Variants in AHI1 observed in about 807,000 individuals in gnomAD.
AHI1 encodes jouberin.
In AHI1, 123 loss-of-function variants were observed where a neutral mutation model predicts 149.3. The ratio of observed to expected loss-of-function variants is 0.82; its 90% confidence interval spans 0.71 to 0.96. The LOEUF is 0.96. AHI1 is among the 40% of genes least tolerant of loss of function. The pLI, the probability that AHI1 is intolerant of heterozygous loss-of-function variation, is 0.00. For missense variants in AHI1, 1,439 were observed against 1,422.7 expected (o/e 1.01, Z -0.18); for synonymous variants, 475 against 459.8 (o/e 1.03, Z -0.42).
At chr6:135,493,644 G>A (rs956680339) in intron 3 of AHI1, among the ~76,000 whole-genome samples, 3 of 152,064 alleles carry the variant, frequency 2.0e-5, no homozygotes, top group Admixed American at 6.6e-5. Flanking sequence ...CTGAGAGCAC[G>A]GAAGTAGAAA....
chr6:135,456,090 A>G (rs1386670033), intron 9 of AHI1, among the ~76,000 whole-genome samples, 164 bp from the exon 10 acceptor site: 1 of 152,242 alleles, frequency 6.6e-6, no homozygotes, highest in Non-Finnish European at 1.5e-5. Flanking sequence ...AAATTTTATA[A>G]GACTTAAAAG....
chr6:135,366,233 T>C (rs753383843), intron 23 of AHI1, among the ~76,000 whole-genome samples: 3 of 151,164 alleles, frequency 2.0e-5, no homozygotes, highest in Non-Finnish European at 4.4e-5. Flanking sequence ...GGGATATTGG[T>C]CTGCAGTTTT....
At chr6:135,487,607 A>G (rs1053637986) in intron 5 of AHI1, among the ~76,000 whole-genome samples, 1 of 152,192 alleles carries the variant, frequency 6.6e-6, no homozygotes. Context: ...CACCATATAC[A>G]GTGTATAATA....
chr6:135,357,053 C>A (rs1287381466), intron 24 of AHI1, among the ~76,000 whole-genome samples: 5 of 152,200 alleles, frequency 3.3e-5, no homozygotes, highest in Non-Finnish European at 5.9e-5. Flanking sequence ...ATTCCCCTGC[C>A]TCAGCCTCCC....
chr6:135,287,736 G>A (rs1312210286), intron 28 of AHI1, among the ~76,000 whole-genome samples: 2 of 152,212 alleles, frequency 1.3e-5, no homozygotes, highest in African/African-American at 2.4e-5. Flanking sequence ...GCAAGCTTAT[G>A]AAAACAAGTA....
chr6:135,416,350 A>G (rs1275350901), intron 20 of AHI1, among the ~76,000 whole-genome samples: 1 of 151,628 alleles, frequency 6.6e-6, no homozygotes, highest in Non-Finnish European at 1.5e-5. Flanking sequence ...AGTAATAAAA[A>G]TGCAAATTAG....
At chr6:135,396,881 C>T (rs547242641) in intron 22 of AHI1, among the ~76,000 whole-genome samples, 20 of 151,532 alleles carry the variant, frequency 1.3e-4, no homozygotes, top group African/African-American at 4.8e-4. Flanking sequence ...ACACAATAGC[C>T]ATTTATAGTC....
chr6:135,408,495 A>G (rs1211493391), intron 21 of AHI1, among the ~76,000 whole-genome samples: 1 of 152,052 alleles, frequency 6.6e-6, no homozygotes. Flanking sequence ...TAACTAAGAA[A>G]TATATATACT....
chr6:135,324,089 G>A (rs908102521), intron 24 of AHI1, among the ~76,000 whole-genome samples: 1 of 152,172 alleles, frequency 6.6e-6, no homozygotes, highest in Non-Finnish European at 1.5e-5. Context: ...GGAGGCCGAG[G>A]CAGGAGGACT....
chr6:135,472,155 C>T (rs1464279240), intron 5 of AHI1, among the ~76,000 whole-genome samples: 2 of 146,220 alleles, frequency 1.4e-5, no homozygotes, highest in African/African-American at 2.5e-5. Context: ...TGACATTGAA[C>T]ATTTCCATCA....
intron 15 of AHI1, among the ~76,000 whole-genome samples, chr6:135,436,398 T>C (rs149741014): frequency 1.3e-5 from 2 of 152,186 alleles, no homozygotes; most frequent in East Asian, 3.9e-4. Flanking sequence ...ACTGTCCAAA[T>C]GGATTTAAAA....
At chr6:135,384,938 A>T (rs1777359680) in intron 23 of AHI1, among the ~76,000 whole-genome samples, 1 of 152,042 alleles carries the variant, frequency 6.6e-6, no homozygotes. Flanking sequence ...AAAATAAGAA[A>T]ATTAGCTGGG....
chr6:135,294,471 T>C (rs1782801464), intron 27 of AHI1, among the ~76,000 whole-genome samples: 1 of 151,962 alleles, frequency 6.6e-6, no homozygotes, highest in African/African-American at 2.4e-5. Context: ...ATCACGCCAT[T>C]GCACTCCAGC....
intron 21 of AHI1, among the ~76,000 whole-genome samples, chr6:135,408,241 T>C (rs1038374508): frequency 3.3e-5 from 5 of 152,076 alleles, no homozygotes; most frequent in Non-Finnish European, 7.4e-5. Flanking sequence ...TGTTGGTGAG[T>C]TGTTTTTATG....
intron 11 of AHI1, among the ~76,000 whole-genome samples, chr6:135,450,105 A>T (rs1787870748): frequency 6.6e-6 from 1 of 152,182 alleles, no homozygotes; most frequent in African/African-American, 2.4e-5. Context: ...AAAGTGGGTT[A>T]AAGATGAAAC....
intron 4 of AHI1, among the ~76,000 whole-genome samples, chr6:135,491,476 C>A (rs778132905): frequency 6.6e-6 from 1 of 152,162 alleles, no homozygotes; most frequent in Non-Finnish European, 1.5e-5. Flanking sequence ...TTAAATGCTG[C>A]CTGTAAATAA....
rs1294576615 is a variant in AHI1 at position 135,490,679 on chromosome 6, T to C, written c.79A>G (p.Met27Val). Residue 27 changes from methionine (M) to valine (V), a missense_variant, in exon 5 of 29, where the codon ATG (methionine) becomes GTG (valine). Met to Val is a conservative substitution (Grantham distance 21). Transcript: ENST00000265602. ...EELLKTHSDL[M>V]REKKKLKKKL... ...TTCTTCAGTTTTTTCTTTTCACGCATTAGATCACTGTGGGTCTTAAGCAAT... is the reference window on the plus strand; with the variant it reads ...TTCTTCAGTTTTTTCTTTTCACGCACTAGATCACTGTGGGTCTTAAGCAAT... 1 of 1,613,416 alleles carries C rather than the reference T, an allele frequency of 6.2e-7. No homozygotes were observed. The highest frequency in any genetic ancestry group is 2.2e-5 in the East Asian group (1 of 44,830).
chr6:135,489,299 A>G (rs1006018940), intron 5 of AHI1, among the ~76,000 whole-genome samples: 2 of 152,170 alleles, frequency 1.3e-5, no homozygotes, highest in African/African-American at 2.4e-5. Flanking sequence ...GCCCCTCAAC[A>G]TTTAAACTGG....
At chr6:135,478,183 CTG>C (rs1244480554) in intron 5 of AHI1, among the ~76,000 whole-genome samples, 1 of 152,084 alleles carries the variant, frequency 6.6e-6, no homozygotes, top group Non-Finnish European at 1.5e-5. Context: ...ATAAAGATAC[CTG>C]AAAATGTGGA....
Sources: gnomAD v4.1 joint callset for allele counts (sites outside exome capture counted in the v4.1 genomes callset) on GRCh38, gnomAD v4.1.1 for gene constraint, MANE v1.5 for transcripts, NCBI Gene and HGNC (gene_info 2026-07-23, HGNC 2026-07-21) for gene names.